Variants in SMARCAL1 observed in about 807,000 individuals in gnomAD.
The protein encoded by SMARCAL1 is SNF2 related chromatin remodeling annealing helicase 1.
SMARCAL1 carries 58 observed loss-of-function variants against 94.5 expected under a neutral mutation model. That is an observed-to-expected ratio of 0.61 (90% CI 0.50 to 0.76). The LOEUF (loss-of-function observed/expected upper bound fraction) is 0.76, where lower values mean the gene tolerates loss of function less well. Ranked by LOEUF, SMARCAL1 falls within the 30% of genes least tolerant of loss-of-function variation. The pLI, the probability that SMARCAL1 is intolerant of heterozygous loss-of-function variation, is 0.00. For synonymous variants in SMARCAL1, 422 were observed against 455.1 expected (o/e 0.93, Z 0.93); for missense variants, 1,051 against 1,177.9 (o/e 0.89, Z 1.58).
At chr2:216,421,580 T>G (rs1395675373) in intron 5 of SMARCAL1, among the ~76,000 whole-genome samples, 1 of 152,168 alleles carries the variant, frequency 6.6e-6, no homozygotes, top group Non-Finnish European at 1.5e-5. Flanking sequence ...TGAGCCACCG[T>G]GCCTGGCCGT....
At chr2:216,448,417 T>C (rs549124798) in intron 11 of SMARCAL1, among the ~76,000 whole-genome samples, 2 of 152,326 alleles carry the variant, frequency 1.3e-5, no homozygotes, top group East Asian at 3.9e-4. Context: ...GGGCTAAAGA[T>C]AAAATTGATT....
chr2:216,443,951 C>T (rs918357198), intron 10 of SMARCAL1, among the ~76,000 whole-genome samples: 2 of 152,190 alleles, frequency 1.3e-5, no homozygotes, highest in African/African-American at 2.4e-5. Flanking sequence ...CTTAGGCTTT[C>T]GATTTAACTA....
intron 17 of SMARCAL1, among the ~76,000 whole-genome samples, chr2:216,481,306 A>G (rs1695192618): frequency 2.0e-5 from 3 of 149,318 alleles, no homozygotes; most frequent in African/African-American, 7.4e-5. Flanking sequence ...GATTCCCCCC[A>G]TCTCAGCCTC....
chr2:216,430,497 A>G (rs1574455094), intron 7 of SMARCAL1, among the ~76,000 whole-genome samples: 2 of 152,192 alleles, frequency 1.3e-5, no homozygotes, highest in African/African-American at 4.8e-5. Context: ...TTTCTGATTG[A>G]TTAATTTCTG....
At chr2:216,458,300 T>C (rs1425672718) in intron 12 of SMARCAL1, among the ~76,000 whole-genome samples, 3 of 152,054 alleles carry the variant, frequency 2.0e-5, no homozygotes, top group African/African-American at 4.8e-5. Flanking sequence ...TTCCAATCAA[T>C]AGAAAAAGAG....
intron 10 of SMARCAL1, among the ~76,000 whole-genome samples, chr2:216,442,844 G>T (rs886555545): frequency 1.7e-4 from 26 of 152,114 alleles, no homozygotes; most frequent in African/African-American, 6.0e-4. Flanking sequence ...TTAGAGAAGT[G>T]GGGAGTAGAA....
intron 14 of SMARCAL1, among the ~76,000 whole-genome samples, chr2:216,473,035 A>G (rs139012916): frequency 1.3e-5 from 2 of 152,346 alleles, no homozygotes; most frequent in East Asian, 3.9e-4. Context: ...CTTGAGGTAT[A>G]ATTGACATGC....
chr2:216,433,647 C>G (rs1326722166), intron 8 of SMARCAL1, among the ~76,000 whole-genome samples: 2 of 152,086 alleles, frequency 1.3e-5, no homozygotes, highest in Non-Finnish European at 2.9e-5. Context: ...GGATCCAGAG[C>G]CTGACAAGAA....
chr2:216,458,071 C>A (rs1187578061), intron 12 of SMARCAL1, among the ~76,000 whole-genome samples: 3 of 152,150 alleles, frequency 2.0e-5, no homozygotes, highest in African/African-American at 7.2e-5. Context: ...CGCAAGTAAA[C>A]TAGAAAATCT....
intron 14 of SMARCAL1, among the ~76,000 whole-genome samples, chr2:216,471,442 C>T (rs1311912445): frequency 6.6e-6 from 1 of 151,070 alleles, no homozygotes; most frequent in Non-Finnish European, 1.5e-5. Flanking sequence ...CTGCAACCTT[C>T]GCCTCCTGGC....
intron 10 of SMARCAL1, among the ~76,000 whole-genome samples, chr2:216,439,387 G>C (rs1694150154): frequency 6.6e-6 from 1 of 151,976 alleles, no homozygotes; most frequent in South Asian, 2.1e-4. Context: ...AATTAGAAAA[G>C]TAGCCTTTTC....
rs112109323 is a variant in SMARCAL1, at chr2:216,420,724, C to T, written c.1096+192C>T. Reference sequence around the variant, plus strand: ...AAACATACAGTGGTGGCTGTTTTGTCATAAGGCCTCCCAAAGAGAAGACCT... The same window carrying T: ...AAACATACAGTGGTGGCTGTTTTGTTATAAGGCCTCCCAAAGAGAAGACCT... On this transcript the variant is annotated intron_variant, in intron 5 of 17. Coordinates refer to ENST00000357276, the MANE Select transcript of SMARCAL1 (RefSeq NM_014140.4). 3.5e-3 allele frequency among the ~76,000 whole-genome samples: 529 copies of T among 152,248 alleles called. 3 individuals are homozygous for T. The highest frequency in any genetic ancestry group is 0.012 in the African/African-American group (507 of 41,526).
chr2:216,441,427 A>G (rs944349836), intron 10 of SMARCAL1, among the ~76,000 whole-genome samples: 2 of 152,226 alleles, frequency 1.3e-5, no homozygotes, highest in African/African-American at 4.8e-5. Context: ...TAAAAAGAAC[A>G]AAGTTAAAAT....
intron 12 of SMARCAL1, among the ~76,000 whole-genome samples, chr2:216,455,971 C>G (rs1048849104): frequency 7.2e-5 from 11 of 152,130 alleles, no homozygotes; most frequent in Admixed American, 5.2e-4. Flanking sequence ...AGACGAATGG[C>G]TAACTAGAAT....
chr2:216,431,933 C>T (rs373612726), intron 7 of SMARCAL1, among the ~76,000 whole-genome samples: 1 of 152,192 alleles, frequency 6.6e-6, no homozygotes. Context: ...TTGCCAGCCC[C>T]TTTCTCTGCC....
Position 216,415,264 on chromosome 2 carries a change from A to T in SMARCAL1, c.560A>T (p.Asp187Val), listed in dbSNP as rs1310566486. ...CATTCCTCTGGACAGCCTCCCAGGGATGCTAAGTTAGAGGCCAAGACAGCA... is the reference window on the plus strand; with the variant it reads ...CATTCCTCTGGACAGCCTCCCAGGGTTGCTAAGTTAGAGGCCAAGACAGCA... ...PAHSSGQPPRDAKLEAKTAKA... is the reference protein window; with the variant it reads ...PAHSSGQPPRVAKLEAKTAKA... Residue 187 changes from aspartate (D) to valine (V), a missense_variant, in exon 3 of 18, where the codon GAT becomes GTT. Physicochemically the swap from Asp to Val is radical, Grantham distance 152. Around this residue, in one of 3 missense-constraint regions of SMARCAL1, gnomAD observed 398 missense variants for 395.2 expected, o/e 1.01. Coordinates refer to ENST00000357276, the MANE Select transcript of SMARCAL1 (RefSeq NM_014140.4). 2.5e-6 allele frequency: 4 copies of T among 1,614,132 alleles called. No homozygotes were observed. The highest frequency in any genetic ancestry group is 2.2e-5 in the South Asian group (2 of 91,090).
At chr2:216,452,223 G>T (rs569024872) in intron 12 of SMARCAL1, among the ~76,000 whole-genome samples, 1 of 152,074 alleles carries the variant, frequency 6.6e-6, no homozygotes, top group East Asian at 1.9e-4. Context: ...TATTTCAGTG[G>T]AATCATGAGT....
At chr2:216,443,504 C>G (rs1574463573) in intron 10 of SMARCAL1, among the ~76,000 whole-genome samples, 1 of 151,352 alleles carries the variant, frequency 6.6e-6, no homozygotes, top group South Asian at 2.1e-4. Flanking sequence ...TCTGTCTGTT[C>G]TTACCCAAGA....
intron 10 of SMARCAL1, among the ~76,000 whole-genome samples, chr2:216,446,116 CTT>C (rs999032883): frequency 5.0e-4 from 74 of 148,522 alleles, no homozygotes; most frequent in African/African-American, 1.6e-3. Flanking sequence ...GGAAGAGTCT[CTT>C]TTTTTTTTTC....
Sources: allele counts gnomAD v4.1 joint callset (sites outside exome capture counted in the v4.1 genomes callset), GRCh38; gene constraint gnomAD v4.1.1; regional missense constraint gnomAD v4.1.1; transcripts MANE v1.5; gene names NCBI Gene and HGNC (gene_info 2026-07-23, HGNC 2026-07-21).